Variants in ANO3 observed in about 807,000 individuals in gnomAD.
ANO3 encodes anoctamin-3.
A neutral mutation model predicts 144.8 loss-of-function variants in ANO3; 99 were observed. The ratio of observed to expected loss-of-function variants is 0.68; its 90% confidence interval spans 0.58 to 0.81. The LOEUF (loss-of-function observed/expected upper bound fraction) is 0.81. Among genes scored for constraint, ANO3 ranks in the 30% least tolerant of loss-of-function variants. The probability of loss-of-function intolerance (pLI) is 0.00; values close to 1 mark genes in which losing one functional copy is unlikely to be tolerated. For missense variants in ANO3, 905 were observed against 1,202.2 expected (o/e 0.75, Z 3.66); for synonymous variants, 414 against 392.6 (o/e 1.05, Z -0.64).
upstream of ANO3, among the ~76,000 whole-genome samples, chr11:26,330,480 A>G (rs1025655798): frequency 3.9e-5 from 6 of 152,192 alleles, no homozygotes; most frequent in African/African-American, 9.6e-5. Context: ...TTGAATGCTC[A>G]GCATTTCTTT....
At chr11:26,576,780 G>C (rs1390043422) in intron 14 of ANO3, among the ~76,000 whole-genome samples, 1 of 152,100 alleles carries the variant, frequency 6.6e-6, no homozygotes, top group African/African-American at 2.4e-5. Flanking sequence ...TCTGTTTTCT[G>C]CATTGCTTTA....
intron 1 of ANO3, among the ~76,000 whole-genome samples, chr11:26,320,781 G>A (rs900008433): frequency 1.3e-5 from 2 of 151,866 alleles, no homozygotes; most frequent in African/African-American, 4.8e-5. Flanking sequence ...TCTGATTACT[G>A]TTTTGTTTGC....
chr11:26,408,876 C>T (rs1857359819), intron 1 of ANO3, among the ~76,000 whole-genome samples: 1 of 148,846 alleles, frequency 6.7e-6, no homozygotes, highest in Non-Finnish European at 1.5e-5. Context: ...ATCGCAAGGA[C>T]AAAAAACCAA....
chr11:26,600,167 A>T (rs1851749785), intron 17 of ANO3, among the ~76,000 whole-genome samples: 1 of 151,876 alleles, frequency 6.6e-6, no homozygotes, highest in Admixed American at 6.6e-5. Context: ...ACAGTAAGGC[A>T]ATTATTCCAG....
intron 1 of ANO3, among the ~76,000 whole-genome samples, chr11:26,249,221 T>A (rs1852870164): frequency 6.6e-6 from 1 of 152,212 alleles, no homozygotes; most frequent in South Asian, 2.1e-4. Flanking sequence ...CAAGACCCGC[T>A]TAATGTAGAC....
At chr11:26,567,233 C>A in intron 14 of ANO3, 4 of 782,346 alleles carry the variant, frequency 5.1e-6, no homozygotes, top group Non-Finnish European at 7.2e-6. Context: ...GGAAAATTTA[C>A]TTTAAAAAAA....
intron 1 of ANO3, chr11:26,208,152 C>T (rs1440973439): frequency 6.6e-6 from 1 of 152,180 alleles, no homozygotes; most frequent in Non-Finnish European, 1.5e-5. Flanking sequence ...GCCCCCATGA[C>T]CTAATCACAT....
intron 1 of ANO3, among the ~76,000 whole-genome samples, chr11:26,215,620 T>G (rs1328600938): frequency 1.3e-5 from 2 of 152,178 alleles, no homozygotes; most frequent in East Asian, 3.9e-4. Context: ...GTATTAAGTA[T>G]GCTTATCAGT....
intron 6 of ANO3, among the ~76,000 whole-genome samples, chr11:26,522,789 T>C (rs1862134046): frequency 6.6e-6 from 1 of 152,182 alleles, no homozygotes; most frequent in Non-Finnish European, 1.5e-5. Context: ...AACCATTTCG[T>C]TATTGAATAA....
chr11:26,301,907 C>A (rs1397445869), intron 1 of ANO3, among the ~76,000 whole-genome samples: 2 of 152,158 alleles, frequency 1.3e-5, no homozygotes, highest in East Asian at 3.8e-4. Flanking sequence ...TTCTAAGCCC[C>A]ATCACATAGA....
intron 24 of ANO3, among the ~76,000 whole-genome samples, chr11:26,653,669 C>T (rs988544581): frequency 6.6e-6 from 1 of 151,854 alleles, no homozygotes; most frequent in African/African-American, 2.4e-5. Context: ...TCTCACAGTC[C>T]CCAGTACGTG....
intron 14 of ANO3, among the ~76,000 whole-genome samples, chr11:26,593,740 C>T (rs1018641450): frequency 6.6e-6 from 1 of 152,090 alleles, no homozygotes; most frequent in Admixed American, 6.5e-5. Context: ...TTAAAGTGTC[C>T]GTGTAGGCCG....
chr11:26,434,698 A>G (rs2134014295), intron 1 of ANO3, among the ~76,000 whole-genome samples: 1 of 152,322 alleles, frequency 6.6e-6, no homozygotes, highest in East Asian at 1.9e-4. Flanking sequence ...GTCACTCAGG[A>G]AAATGGTTGT....
At chr11:26,592,622 CT>C (rs1851486547) in intron 14 of ANO3, among the ~76,000 whole-genome samples, 1 of 148,746 alleles carries the variant, frequency 6.7e-6, no homozygotes, top group Non-Finnish European at 1.5e-5. Context: ...ATGGCCTGTT[CT>C]TTGTTCTCCT....
Position 26,553,296 on chromosome 11 carries a change from A to T in ANO3, c.1337A>T (p.Asp446Val), listed in dbSNP as rs1849992460. The T allele has an allele frequency of 1.2e-6, 2 of 1,605,742 alleles. No individual in the cohort carries two copies. The change falls in exon 13 of 27, where the codon GAC becomes GTC. Residue 446 changes from aspartate to valine, a missense_variant. Around this residue, in one of 4 missense-constraint regions of ANO3, gnomAD observed 597 missense variants for 865.1 expected, o/e 0.69. Transcript: ENST00000256737. ...GAAGTCTTTATGTGCCCTCTCTGTG[A>T]CAAGAACTGCTCCCTGCAGAGACTC... is the stretch of plus-strand genomic sequence containing the variant. ...ATEVFMCPLC[D>V]KNCSLQRLND...
intron 10 of ANO3, among the ~76,000 whole-genome samples, chr11:26,541,444 T>TA (rs1267395253): frequency 6.6e-5 from 10 of 151,944 alleles, no homozygotes; most frequent in African/African-American, 1.9e-4. Context: ...TAAATTATAA[T>TA]AAAAAAAGAG....
chr11:26,333,143 A>G (rs1855100160), intron 1 of ANO3, among the ~76,000 whole-genome samples: 1 of 152,216 alleles, frequency 6.6e-6, no homozygotes, highest in African/African-American at 2.4e-5. Flanking sequence ...ACAGTTAACC[A>G]TAGAGTGCCT....
rs1031656604 is a variant in ANO3, at chr11:26,589,210, CATG to C, written c.1448-9149_1448-9147del. ...TTAGCATCTTTGCTTCCAAAATCCA[CATG>C]ATGATAACATTTGCCATATCTCTTT... On this transcript the variant is annotated intron_variant, in intron 14 of 26. Transcript: ENST00000256737. Among the ~76,000 whole-genome samples, 5 of 152,288 alleles carry C rather than the reference CATG, an allele frequency of 3.3e-5. No homozygotes were observed. In the East Asian group the frequency reaches 7.7e-4, roughly 23 times the overall value.
At chr11:26,291,507 T>C (rs184531100) in intron 1 of ANO3, among the ~76,000 whole-genome samples, 1 of 152,376 alleles carries the variant, frequency 6.6e-6, no homozygotes, top group African/African-American at 2.4e-5. Context: ...CTAGCCTCGA[T>C]GGTCTTTACA....
Sources: gnomAD v4.1 joint callset for allele counts (sites outside exome capture counted in the v4.1 genomes callset) on GRCh38, gnomAD v4.1.1 for gene constraint, gnomAD v4.1.1 regional missense constraint, MANE v1.5 for transcripts, NCBI Gene and HGNC (gene_info 2026-07-23, HGNC 2026-07-21) for gene names.